The following ADARB2 variants were observed in gnomAD, a reference collection of about 807,000 sequenced individuals.
ADARB2 encodes adenosine deaminase RNA specific B2 (inactive).
In ADARB2, 25 loss-of-function variants were observed where a neutral mutation model predicts 62.2. That is an observed-to-expected ratio of 0.40 (90% confidence interval 0.29 to 0.56). ADARB2 has a LOEUF of 0.56. ADARB2 is among the 20% of genes least tolerant of loss of function. The probability of loss-of-function intolerance (pLI) is 0.43; values close to 1 mark genes in which losing one functional copy is unlikely to be tolerated. For synonymous variants in ADARB2, 572 were observed against 500.8 expected (o/e 1.14, Z -1.90); for missense variants, 1,071 against 1,077.4 (o/e 0.99, Z 0.08).
intron 1 of ADARB2, among the ~76,000 whole-genome samples, chr10:1,716,106 G>C (rs754433150): frequency 6.6e-6 from 1 of 151,152 alleles, no homozygotes; most frequent in Admixed American, 6.6e-5. Flanking sequence ...TGGGTGCACC[G>C]TGCGCGTTCC....
chr10:1,610,415 T>G (rs1449307223), intron 1 of ADARB2, among the ~76,000 whole-genome samples: 2 of 152,226 alleles, frequency 1.3e-5, no homozygotes, highest in African/African-American at 2.4e-5. Flanking sequence ...TGCATCTATG[T>G]CTTTGCAAAG....
At chr10:1,433,464 G>C (rs1210619156) in intron 1 of ADARB2, among the ~76,000 whole-genome samples, 4 of 152,200 alleles carry the variant, frequency 2.6e-5, no homozygotes, top group African/African-American at 9.7e-5. Flanking sequence ...CTGCTGGGTC[G>C]AAGTCTCCTG....
chr10:1,374,275 A>G (rs1205933189), intron 2 of ADARB2, among the ~76,000 whole-genome samples: 1 of 152,236 alleles, frequency 6.6e-6, no homozygotes, highest in African/African-American at 2.4e-5. Flanking sequence ...TAGGACGATC[A>G]TGAGCAATTT....
At position 1,659,828 on chromosome 10, in the gene ADARB2, C is replaced by T. The variant is rs373486509; in HGVS notation, c.100+77223G>A. Reference sequence around the variant, plus strand: ...TCCTCCATTGCCTGCCCTGCCTGGGCGACCCATCATGCTGCTTCTGGGTTC... The same window carrying T: ...TCCTCCATTGCCTGCCCTGCCTGGGTGACCCATCATGCTGCTTCTGGGTTC... On this transcript the variant is annotated intron_variant, in intron 1 of 9. Coordinates refer to ENST00000381312, the MANE Select transcript of ADARB2 (RefSeq NM_018702.4). 6.7e-3 allele frequency among the ~76,000 whole-genome samples: 970 copies of T among 145,156 alleles called. 3 individuals are homozygous for T. The highest frequency in any genetic ancestry group is 0.028 in the East Asian group (114 of 4,122).
At chr10:1,610,863 CA>C (rs1418912488) in intron 1 of ADARB2, among the ~76,000 whole-genome samples, 1 of 152,022 alleles carries the variant, frequency 6.6e-6, no homozygotes, top group Non-Finnish European at 1.5e-5. Context: ...CACACCCATA[CA>C]TACACATACA....
At chr10:1,528,491 G>C (rs1258481124) in intron 1 of ADARB2, among the ~76,000 whole-genome samples, 1 of 152,218 alleles carries the variant, frequency 6.6e-6, no homozygotes, top group Non-Finnish European at 1.5e-5. Context: ...TGATAATGGT[G>C]TGAGGAACAC....
At chr10:1,355,033 C>T (rs541366075) in intron 3 of ADARB2, among the ~76,000 whole-genome samples, 2 of 152,292 alleles carry the variant, frequency 1.3e-5, no homozygotes, top group South Asian at 4.1e-4. Context: ...AGGGCTCCCA[C>T]GAGGCTCCCA....
At chr10:1,343,943 C>A (rs539605366) in intron 3 of ADARB2, among the ~76,000 whole-genome samples, 2 of 152,220 alleles carry the variant, frequency 1.3e-5, no homozygotes, top group Admixed American at 1.3e-4. Flanking sequence ...ACATGGGTAA[C>A]AAAACAATCT....
chr10:1,600,290 C>A (rs1208379834), intron 1 of ADARB2, among the ~76,000 whole-genome samples: 1 of 152,088 alleles, frequency 6.6e-6, no homozygotes, highest in Non-Finnish European at 1.5e-5. Flanking sequence ...TTGGCAATAC[C>A]TTATCCCAGA....
chr10:1,306,451 G>C (rs989228805), intron 3 of ADARB2, among the ~76,000 whole-genome samples: 2 of 152,006 alleles, frequency 1.3e-5, no homozygotes, highest in African/African-American at 2.4e-5. Context: ...TCATGGGTAG[G>C]AAGAATCAAT....
intron 1 of ADARB2, chr10:1,675,047 T>TCGGGGATGCA (rs1834446785): frequency 1.0e-6 from 1 of 984,330 alleles, no homozygotes. Flanking sequence ...AGGTTTGGGT[T>TCGGGGATGCA]TGGGGGTACA....
chr10:1,267,078 C>T (rs776927351), intron 4 of ADARB2, among the ~76,000 whole-genome samples: 2 of 150,758 alleles, frequency 1.3e-5, no homozygotes, highest in Admixed American at 1.3e-4. Flanking sequence ...ATACAAATAG[C>T]TTAAATATGT....
In ADARB2 at chr10:1,493,708, G is replaced by T. The variant is rs539023455; in HGVS notation, c.101-114548C>A. Among the ~76,000 whole-genome samples the T allele has an allele frequency of 1.7e-4, 21 of 125,684 alleles. No individual in the cohort carries two copies. In the South Asian group the frequency reaches 5.4e-3, roughly 32 times the overall value. The allele number at this position is 125,684 out of a possible 152,430, so 82.5% of individuals were successfully genotyped here. On this transcript the variant is annotated intron_variant, in intron 1 of 9. Transcript: ENST00000381312. Reference sequence around the variant, plus strand: ...ATGGAATCCAAGCATTATTATTCTAGGCACAGCATAATATGGCATTCTTTT... The same window carrying T: ...ATGGAATCCAAGCATTATTATTCTATGCACAGCATAATATGGCATTCTTTT...
At chr10:1,512,400 C>A (rs532123857) in intron 1 of ADARB2, among the ~76,000 whole-genome samples, 2 of 152,028 alleles carry the variant, frequency 1.3e-5, no homozygotes. Context: ...ACACTGGATA[C>A]CAATACATCA....
intron 1 of ADARB2, among the ~76,000 whole-genome samples, chr10:1,703,903 C>T (rs746265137): frequency 3.6e-4 from 55 of 152,184 alleles, no homozygotes; most frequent in Non-Finnish European, 6.3e-4. Context: ...AGTGACCTTG[C>T]GACTTTCACA....
At chr10:1,409,648 G>A (rs28437428) in intron 1 of ADARB2, among the ~76,000 whole-genome samples, 25,727 of 131,750 alleles carry the variant, frequency 0.2, 3,930 homozygotes, top group East Asian at 0.43. Context: ...GCCTGGCTGT[G>A]GTCATGGTGC....
At chr10:1,634,416 C>T (rs922401637) in intron 1 of ADARB2, among the ~76,000 whole-genome samples, 1 of 152,198 alleles carries the variant, frequency 6.6e-6, no homozygotes, top group African/African-American at 2.4e-5. Context: ...AACGCTGCTC[C>T]TTGGAAACGT....
intron 1 of ADARB2, among the ~76,000 whole-genome samples, chr10:1,553,115 A>ACCG (rs58954857): frequency 0.24 from 36,851 of 152,078 alleles, 4,664 homozygotes; most frequent in African/African-American, 0.27. Flanking sequence ...CCAGGCCAGC[A>ACCG]CCATCTCTGA....
At chr10:1,642,771 C>T (rs926918668) in intron 1 of ADARB2, among the ~76,000 whole-genome samples, 8 of 151,932 alleles carry the variant, frequency 5.3e-5, no homozygotes, top group African/African-American at 1.9e-4. Context: ...ACTCACACTC[C>T]CTCACTCACA....
Sources: allele counts gnomAD v4.1 joint callset (sites outside exome capture counted in the v4.1 genomes callset), GRCh38; gene constraint gnomAD v4.1.1; transcripts MANE v1.5; gene names NCBI Gene and HGNC (gene_info 2026-07-23, HGNC 2026-07-21).